CYB5R4: variants seen among roughly 807,000 people sequenced by gnomAD.
The protein encoded by CYB5R4 is cytochrome b5 reductase 4.
In CYB5R4, 55 loss-of-function variants were observed where a neutral mutation model predicts 70.2. The ratio of observed to expected loss-of-function variants is 0.78; its 90% confidence interval spans 0.63 to 0.98. The LOEUF (loss-of-function observed/expected upper bound fraction) is 0.98. CYB5R4 is among the 50% of genes least tolerant of loss of function. CYB5R4 has a pLI of 0.00. For synonymous variants in CYB5R4, 197 were observed against 199.5 expected, an observed-to-expected ratio of 0.99 and a Z score of 0.11; for missense variants, 562 against 612.6, an observed-to-expected ratio of 0.92 and a Z score of 0.87.
intron 6 of CYB5R4, 120 bp downstream of exon 6, chr6:83,918,185 C>T (rs1304325691): frequency 1.6e-6 from 1 of 640,902 alleles, no homozygotes; most frequent in Non-Finnish European, 2.7e-6. Flanking sequence ...TGCTCTTTGA[C>T]ACAAGAACTG....
rs1282608096 is a variant in CYB5R4, at chr6:83,859,715, G to A, written c.-68G>A. On this transcript the variant is annotated 5_prime_UTR_variant, in exon 1 of 16. Transcript: ENST00000369681. The stretch of plus-strand genomic sequence containing the variant: ...GGCTTGGCCTCTGCCCGGCCACAGA[G>A]CCGGAGCTGGAGGTGCTGTCCCGTC... 3.2e-6 allele frequency: 5 copies of A among 1,563,376 alleles called. No individual in the cohort carries two copies. In the East Asian group the frequency reaches 9.1e-5, roughly 28 times the overall value.
At chr6:83,884,046 CAT>C (rs2099459879) in intron 2 of CYB5R4, among the ~76,000 whole-genome samples, 1 of 151,842 alleles carries the variant, frequency 6.6e-6, no homozygotes, top group Admixed American at 6.6e-5. Flanking sequence ...GAAACAGAGA[CAT>C]ATAACAGAAA....
intron 14 of CYB5R4, among the ~76,000 whole-genome samples, chr6:83,954,040 G>A (rs2099471946): frequency 6.6e-6 from 1 of 152,018 alleles, no homozygotes; most frequent in Non-Finnish European, 1.5e-5. Flanking sequence ...ACCCCTTCTG[G>A]CACTTTTGAA....
At chr6:83,898,877 G>C (rs1368837302) in intron 3 of CYB5R4, among the ~76,000 whole-genome samples, 2 of 151,990 alleles carry the variant, frequency 1.3e-5, no homozygotes, top group Admixed American at 1.3e-4. Context: ...GAGATGATGG[G>C]GTATTCTAAA....
chr6:83,897,978 C>T (rs2099462190), intron 3 of CYB5R4, among the ~76,000 whole-genome samples: 1 of 152,082 alleles, frequency 6.6e-6, no homozygotes, highest in African/African-American at 2.4e-5. Flanking sequence ...ATGCCTATGT[C>T]CTGAATGGTA....
chr6:83,897,034 A>T (rs1388092606), intron 3 of CYB5R4, among the ~76,000 whole-genome samples: 2 of 151,756 alleles, frequency 1.3e-5, no homozygotes, highest in East Asian at 3.9e-4. Flanking sequence ...ATCATTAGGT[A>T]TATCTCCTAA....
chr6:83,918,028 A>T lies in CYB5R4; in HGVS notation c.469A>T (p.Thr157Ser). ...LNGMLPKSQVTDTLAKEGPSY... is the reference protein window; with the variant it reads ...LNGMLPKSQVSDTLAKEGPSY... ...AGGCATGCTTCCCAAGAGCCAAGTG[A>T]CAGATACACTTGCCAAAGAAGGTCC... is the stretch of plus-strand genomic sequence containing the variant. Residue 157 changes from threonine (T) to serine (S), a missense_variant, in exon 6 of 16, where the codon ACA becomes TCA. Physicochemically the swap from Thr to Ser is moderately conservative, Grantham distance 58 (BLOSUM62 1). Coordinates refer to ENST00000369681, the MANE Select transcript of CYB5R4 (RefSeq NM_016230.4). 1 of 1,611,386 alleles carries T rather than the reference A, an allele frequency of 6.2e-7. No homozygotes were observed. The highest frequency in any genetic ancestry group is 1.3e-5 in the African/African-American group (1 of 75,024).
chr6:83,941,715 T>G (rs767364738), intron 14 of CYB5R4, among the ~76,000 whole-genome samples: 11 of 152,218 alleles, frequency 7.2e-5, no homozygotes, highest in Admixed American at 5.2e-4. Context: ...CTTGAAGTAT[T>G]TACTATTCTT....
chr6:83,895,854 G>A (rs1301966466), intron 3 of CYB5R4, among the ~76,000 whole-genome samples: 1 of 152,098 alleles, frequency 6.6e-6, no homozygotes, highest in Non-Finnish European at 1.5e-5. Flanking sequence ...CTACAGTGAC[G>A]CTTGCATTTT....
chr6:83,910,682 G>C (rs991050699), intron 4 of CYB5R4, among the ~76,000 whole-genome samples: 5 of 152,174 alleles, frequency 3.3e-5, no homozygotes, highest in African/African-American at 9.7e-5. Context: ...GGTGATTCCA[G>C]ATAAGAAAGG....
intron 5 of CYB5R4, 84 bp downstream of exon 5, chr6:83,914,532 A>C: frequency 1.6e-6 from 2 of 1,285,054 alleles, no homozygotes; most frequent in Non-Finnish European, 2.1e-6. Context: ...GGGGCATTTA[A>C]ATTTTTTTCT....
chr6:83,874,086 A>C (rs2099458092), intron 2 of CYB5R4, among the ~76,000 whole-genome samples: 1 of 143,288 alleles, frequency 7.0e-6, no homozygotes, highest in Admixed American at 7.2e-5. Context: ...TCTTTCAAAG[A>C]CTTCCTTCCT....
intron 15 of CYB5R4, among the ~76,000 whole-genome samples, chr6:83,959,383 C>T (rs2099472953): frequency 2.0e-5 from 3 of 151,972 alleles, no homozygotes; most frequent in Admixed American, 6.6e-5. Context: ...GACATAAAGA[C>T]ATATTATTAA....
chr6:83,865,418 G>A (rs2099456578), intron 2 of CYB5R4, among the ~76,000 whole-genome samples: 1 of 152,126 alleles, frequency 6.6e-6, no homozygotes, highest in Admixed American at 6.5e-5. Context: ...GTGTCAGCAG[G>A]GTTCGTTCCT....
chr6:83,910,004 T>C (rs2099464431), intron 4 of CYB5R4: 1 of 1,604,310 alleles, frequency 6.2e-7, no homozygotes, highest in South Asian at 1.1e-5. Context: ...AAAATGATGG[T>C]ATTAGTGGCA....
intron 14 of CYB5R4, among the ~76,000 whole-genome samples, chr6:83,948,150 G>T (rs77374461): frequency 1.3e-5 from 2 of 152,260 alleles, no homozygotes; most frequent in African/African-American, 4.8e-5. Flanking sequence ...ACTGGATAAA[G>T]AAAATGTGGC....
intron 2 of CYB5R4, among the ~76,000 whole-genome samples, chr6:83,884,482 GT>G (rs1562830046): frequency 6.6e-6 from 1 of 152,064 alleles, no homozygotes; most frequent in Non-Finnish European, 1.5e-5. Flanking sequence ...TAGGAAAACT[GT>G]TTATGCCTGT....
intron 2 of CYB5R4, among the ~76,000 whole-genome samples, chr6:83,886,716 A>G (rs2099460300): frequency 6.6e-6 from 1 of 152,228 alleles, no homozygotes; most frequent in South Asian, 2.1e-4. Context: ...ATGAGGACTC[A>G]TAATTCTTCA....
rs1240633223 is a variant in CYB5R4, at chr6:83,921,168, A to G, written c.651A>G (p.Ile217Met). Residue 217 changes from isoleucine (I) to methionine (M), a missense_variant, in exon 8 of 16, where the codon ATA (isoleucine) becomes ATG (methionine). Physicochemically the swap from Ile to Met is conservative, Grantham distance 10. Coordinates refer to ENST00000369681, the MANE Select transcript of CYB5R4 (RefSeq NM_016230.4). ...TTATTAAGGATTGTTTATATCTTAT[A>G]CATATTGGTGAGTACTTTATTATTA... The part of the protein sequence containing the change: ...ETIIKDCLYL[I>M]HIGLSHEVQE... 2.7e-6 allele frequency: 4 copies of G among 1,499,396 alleles called. No individual in the cohort carries two copies. Among genetic ancestry groups the G allele is most frequent in the Admixed American group, 2.1e-5 (1 of 47,484 alleles). The allele number at this position is 1,499,396 out of a possible 1,614,324, so 92.9% of individuals were successfully genotyped here.
Sources: gnomAD v4.1 joint callset for allele counts (sites outside exome capture counted in the v4.1 genomes callset) on GRCh38, gnomAD v4.1.1 for gene constraint, MANE v1.5 for transcripts, NCBI Gene and HGNC (gene_info 2026-07-23, HGNC 2026-07-21) for gene names.